ATP8B1: variants seen among roughly 807,000 people sequenced by gnomAD.
ATP8B1 encodes ATPase phospholipid transporting 8B1.
ATP8B1 carries 80 observed loss-of-function variants against 149.9 expected under a neutral mutation model. The observed-to-expected ratio is 0.53, with a 90% CI of 0.45 to 0.64. The LOEUF (loss-of-function observed/expected upper bound fraction) is 0.64, where lower values mean the gene tolerates loss of function less well. Ranked by LOEUF, ATP8B1 falls within the 30% of genes least tolerant of loss-of-function variation. ATP8B1 has a pLI of 0.00. For missense variants in ATP8B1, 1,247 were observed against 1,552.6 expected (o/e 0.80, Z 3.31); for synonymous variants, 536 against 562.8 (o/e 0.95, Z 0.67).
At chr18:57,717,547 CAAAAAAAAAAAAAAAAAAAAAAA>C (rs1163024544) in intron 2 of ATP8B1, among the ~76,000 whole-genome samples, 6 of 19,928 alleles carry the variant, frequency 3.0e-4, no homozygotes, top group African/African-American at 7.5e-4. Context: ...GACTCTGTCT[CAAAAAAAAAAAAAAAAAAAAAAA>C]AAAAAAAAAA....
chr18:57,663,830 TATCTC>T (rs1316047612), intron 20 of ATP8B1, among the ~76,000 whole-genome samples: 1 of 150,042 alleles, frequency 6.7e-6, no homozygotes, highest in African/African-American at 2.5e-5. Context: ...GCAGTGGTGT[TATCTC>T]AGCTCACTGC....
chr18:57,769,502 C>A (rs1445134200), intron 1 of ATP8B1, among the ~76,000 whole-genome samples: 1 of 152,162 alleles, frequency 6.6e-6, no homozygotes, highest in Non-Finnish European at 1.5e-5. Context: ...GTGCAAGGCT[C>A]CTTGGAGGTG....
At chr18:57,668,743 C>A in intron 18 of ATP8B1, 2 of 518,074 alleles carry the variant, frequency 3.9e-6, no homozygotes, top group Non-Finnish European at 3.4e-6. Flanking sequence ...AAACTTTTTC[C>A]CTAAAGGATG....
intron 2 of ATP8B1, among the ~76,000 whole-genome samples, chr18:57,714,590 G>GA (rs112186463): frequency 1.7e-5 from 1 of 60,518 alleles, no homozygotes; most frequent in East Asian, 8.9e-4. Context: ...AGAGGAGGGA[G>GA]GGGGGAAGGG....
At chr18:57,791,346 C>A (rs902567981) in intron 1 of ATP8B1, among the ~76,000 whole-genome samples, 1 of 124,970 alleles carries the variant, frequency 8.0e-6, no homozygotes, top group African/African-American at 3.4e-5. Flanking sequence ...TTTTTCTTTT[C>A]TTTTCTTTTT....
At chr18:57,724,531 C>G (rs944699642) in intron 2 of ATP8B1, among the ~76,000 whole-genome samples, 1 of 152,082 alleles carries the variant, frequency 6.6e-6, no homozygotes, top group African/African-American at 2.4e-5. Flanking sequence ...CAGAGAAATG[C>G]AAATCAAAAC....
intron 20 of ATP8B1, among the ~76,000 whole-genome samples, chr18:57,664,730 G>A (rs555192329): frequency 1.3e-5 from 2 of 152,262 alleles, no homozygotes; most frequent in East Asian, 3.9e-4. Context: ...ATTTTGGAGT[G>A]GAAGGGACCT....
intron 1 of ATP8B1, among the ~76,000 whole-genome samples, chr18:57,757,125 G>A (rs1228350976): frequency 6.6e-6 from 1 of 152,152 alleles, no homozygotes; most frequent in Non-Finnish European, 1.5e-5. Context: ...TTATTAGTTA[G>A]TAATCAATAT....
intron 1 of ATP8B1, among the ~76,000 whole-genome samples, chr18:57,742,407 G>C (rs907835379): frequency 2.0e-4 from 31 of 152,106 alleles, no homozygotes; most frequent in African/African-American, 7.0e-4. Context: ...ATAAAACTAA[G>C]GTATCAACAG....
At chr18:57,775,216 C>G (rs2080296122) in intron 1 of ATP8B1, among the ~76,000 whole-genome samples, 2 of 152,078 alleles carry the variant, frequency 1.3e-5, no homozygotes, top group Admixed American at 1.3e-4. Context: ...ACTTGAAAAG[C>G]TGAGTCGGGA....
chr18:57,784,201 G>A lies in ATP8B1; in HGVS notation c.-26+18797C>T, dbSNP rs753887189. Among the ~76,000 whole-genome samples the A allele has an allele frequency of 6.6e-6, 1 of 152,180 alleles. No homozygotes were observed. Among genetic ancestry groups the A allele is most frequent in the Non-Finnish European group, 1.5e-5 (1 of 68,022 alleles). ...TCGTCATGCTTCAGAAACTGAAGGA[G>A]AAAAAGAATGGAATTTGCAGGGGGA... On this transcript the variant is annotated intron_variant, in intron 1 of 27. Transcript: ENST00000648908. The surrounding 1 kb of genome is among the most constrained non-coding windows in gnomAD (Gnocchi z 4.4).
chr18:57,771,933 A>C (rs1458466759), intron 1 of ATP8B1, among the ~76,000 whole-genome samples: 1 of 152,196 alleles, frequency 6.6e-6, no homozygotes, highest in Non-Finnish European at 1.5e-5. Flanking sequence ...TTAAAACTAC[A>C]ATCGACATAC....
intron 1 of ATP8B1, among the ~76,000 whole-genome samples, chr18:57,747,946 C>G (rs1000743094): frequency 3.3e-5 from 5 of 152,178 alleles, no homozygotes; most frequent in Middle Eastern, 3.2e-3. Context: ...TTATAGGTCC[C>G]TTGGAAATAC....
intron 17 of ATP8B1, 101 bp from the exon 18 acceptor site, chr18:57,669,583 G>T: frequency 1.8e-6 from 2 of 1,099,232 alleles, no homozygotes; most frequent in African/African-American, 1.6e-5. Context: ...TATACTAACA[G>T]AATTTAAAAA....
At chr18:57,663,474 G>A (rs1910634419) in intron 20 of ATP8B1, among the ~76,000 whole-genome samples, 1 of 152,096 alleles carries the variant, frequency 6.6e-6, no homozygotes, top group Non-Finnish European at 1.5e-5. Flanking sequence ...GCATCATATG[G>A]TAATCCTTTT....
At chr18:57,735,751 A>C (rs2079844698) in intron 1 of ATP8B1, among the ~76,000 whole-genome samples, 1 of 152,062 alleles carries the variant, frequency 6.6e-6, no homozygotes, top group African/African-American at 2.4e-5. Flanking sequence ...CTTTTCCACT[A>C]AATTGGCATC....
At chr18:57,778,424 G>A (rs2080328739) in intron 1 of ATP8B1, among the ~76,000 whole-genome samples, 1 of 151,684 alleles carries the variant, frequency 6.6e-6, no homozygotes, top group Non-Finnish European at 1.5e-5. Flanking sequence ...TAGAGACGGG[G>A]TTTCACCATG....
chr18:57,781,103 C>G (rs2080352072), intron 1 of ATP8B1, among the ~76,000 whole-genome samples: 1 of 152,070 alleles, frequency 6.6e-6, no homozygotes, highest in Non-Finnish European at 1.5e-5. Context: ...CCAAGAACAC[C>G]AAAAAAGGAA....
At position 57,661,245 on chromosome 18, in the gene ATP8B1, A is replaced by G. The variant is rs1910378116; in HGVS notation, c.2636T>C (p.Leu879Pro). ...GATGGCTTTCTTGTACCTCTTCACC[A>G]GGTCCACCACCATGGCCTTCTGCTT... ...TPKQKAMVVDLVKRYKKAITL... is the reference protein window; with the variant it reads ...TPKQKAMVVDPVKRYKKAITL... Residue 879 changes from leucine (L) to proline (P), a missense_variant, in exon 22 of 28, where the codon CTG (leucine) becomes CCG (proline). By Grantham distance (98) the Leu-to-Pro change is moderately conservative. Around this residue, in one of 3 missense-constraint regions of ATP8B1, gnomAD observed 230 missense variants for 356.6 expected, o/e 0.65. Transcript: ENST00000648908. 3 of 1,613,856 alleles carry G rather than the reference A, an allele frequency of 1.9e-6. No homozygotes were observed. The highest frequency in any genetic ancestry group is 2.7e-5 in the African/African-American group (2 of 74,872).
Sources: allele counts gnomAD v4.1 joint callset (sites outside exome capture counted in the v4.1 genomes callset), GRCh38; gene constraint gnomAD v4.1.1; regional missense constraint gnomAD v4.1.1; non-coding constraint Gnocchi (gnomAD v3.1); transcripts MANE v1.5; gene names NCBI Gene and HGNC (gene_info 2026-07-23, HGNC 2026-07-21).